BAZ1A: variants seen among roughly 807,000 people sequenced by gnomAD.
The protein encoded by BAZ1A is bromodomain adjacent to zinc finger domain protein 1A.
In BAZ1A, 50 loss-of-function variants were observed where a neutral mutation model predicts 185.2. The ratio of observed to expected loss-of-function variants is 0.27; its 90% CI spans 0.22 to 0.34. The LOEUF is 0.34. Among genes scored for constraint, BAZ1A ranks in the 10% least tolerant of loss-of-function variants. The pLI is 1.00. For synonymous variants in BAZ1A, 571 were observed against 615.6 expected (o/e 0.93, Z 1.07); for missense variants, 1,356 against 1,839.9 (o/e 0.74, Z 4.81).
intron 3 of BAZ1A, among the ~76,000 whole-genome samples, chr14:34,852,131 A>G (rs74958570): frequency 4.9e-5 from 7 of 142,848 alleles, no homozygotes; most frequent in Non-Finnish European, 9.3e-5. Flanking sequence ...CGTCTCAAAG[A>G]AAAAAAAAAA....
intron 4 of BAZ1A, among the ~76,000 whole-genome samples, chr14:34,820,474 T>C (rs2042073339): frequency 1.3e-5 from 2 of 152,194 alleles, no homozygotes; most frequent in Admixed American, 1.3e-4. Flanking sequence ...TTTGTATATT[T>C]TGGATAACAA....
chr14:34,798,003 C>T (rs1881296863), intron 9 of BAZ1A, among the ~76,000 whole-genome samples: 1 of 152,258 alleles, frequency 6.6e-6, no homozygotes, highest in Non-Finnish European at 1.5e-5. Context: ...TAACAAACAG[C>T]ACACCAGCAG....
intron 19 of BAZ1A, 142 bp downstream of exon 19, chr14:34,774,185 C>T: frequency 1.6e-6 from 1 of 612,626 alleles, no homozygotes; most frequent in Non-Finnish European, 2.6e-6. Context: ...GGGGAATAAA[C>T]TTAAGTTTTC....
chr14:34,849,015 G>A (rs184512735), intron 3 of BAZ1A, among the ~76,000 whole-genome samples: 58 of 152,210 alleles, frequency 3.8e-4, no homozygotes, highest in African/African-American at 1.3e-3. Context: ...AACAGCACAC[G>A]TGGCTAGGTG....
chr14:34,862,027 A>C lies in BAZ1A; in HGVS notation c.392+17T>G. ...TGAATATAAACTTACCAAGAGGAAAAATTAAAAGTACTTTACCTTGCACCA... is the reference window on the plus strand; with the variant it reads ...TGAATATAAACTTACCAAGAGGAAACATTAAAAGTACTTTACCTTGCACCA... On this transcript the variant is annotated intron_variant, in intron 3 of 26. Coordinates refer to ENST00000360310, the MANE Select transcript of BAZ1A (RefSeq NM_013448.3). The C allele has an allele frequency of 6.2e-7, 1 of 1,605,808 alleles. No homozygotes were observed. The highest frequency in any genetic ancestry group is 8.5e-7 in the Non-Finnish European group (1 of 1,175,436).
At chr14:34,852,753 G>A (rs1183568971) in intron 3 of BAZ1A, among the ~76,000 whole-genome samples, 5 of 152,126 alleles carry the variant, frequency 3.3e-5, no homozygotes, top group African/African-American at 4.8e-5. Flanking sequence ...ATCCTGAGAA[G>A]CAACCCTATA....
In BAZ1A at chr14:34,874,658, C is replaced by A; in HGVS notation, c.-54G>T. ...CCCTCGGCCGCCCGCGCCGGCCCCG[C>A]TTCCCTATCAAAATTGGAGGGAAAG... On this transcript the variant is annotated 5_prime_UTR_variant, in exon 2 of 27. Transcript: ENST00000360310. This position sits in a 1 kb window ranked among gnomAD's most constrained non-coding sequence, Gnocchi z 4.7. The A allele has an allele frequency of 6.8e-7, 1 of 1,475,470 alleles. No individual in the cohort carries two copies. The highest frequency in any genetic ancestry group is 9.3e-7 in the Non-Finnish European group (1 of 1,078,504). 91.4% of individuals were successfully genotyped at this position (1,475,470 alleles called of 1,614,324 possible).
At chr14:34,851,114 C>A (rs2042589429) in intron 3 of BAZ1A, among the ~76,000 whole-genome samples, 1 of 152,004 alleles carries the variant, frequency 6.6e-6, no homozygotes, top group Non-Finnish European at 1.5e-5. Context: ...TGGTAGATCA[C>A]TTGAGGCCAG....
chr14:34,753,827 A>C (rs762599988), intron 26 of BAZ1A, 123 bp from the exon 27 acceptor site: 3 of 836,740 alleles, frequency 3.6e-6, no homozygotes, highest in Non-Finnish European at 5.2e-6. Flanking sequence ...CTTTAGAAAG[A>C]GAAGACTCTG....
At chr14:34,805,085 C>T (rs531308251) in intron 6 of BAZ1A, among the ~76,000 whole-genome samples, 1 of 152,168 alleles carries the variant, frequency 6.6e-6, no homozygotes. Flanking sequence ...TCCCACTTCA[C>T]GCTGTCTCCT....
intron 2 of BAZ1A, among the ~76,000 whole-genome samples, chr14:34,863,016 T>C (rs1381076006): frequency 1.4e-5 from 2 of 145,038 alleles, no homozygotes; most frequent in East Asian, 2.0e-4. Context: ...TGAGACGGAG[T>C]CTCACTCTGT....
intron 3 of BAZ1A, among the ~76,000 whole-genome samples, 176 bp from the exon 4 acceptor site, chr14:34,826,332 A>C (rs2042165040): frequency 6.6e-6 from 1 of 152,250 alleles, no homozygotes; most frequent in Non-Finnish European, 1.5e-5. Context: ...TATTAGATAT[A>C]ATTTAAAGCT....
At chr14:34,834,238 GGACCCTAT>G (rs1335068656) in intron 3 of BAZ1A, among the ~76,000 whole-genome samples, 1 of 152,140 alleles carries the variant, frequency 6.6e-6, no homozygotes, top group Non-Finnish European at 1.5e-5. Context: ...AGCTTTTCAG[GGACCCTAT>G]GACAAGGTTG....
chr14:34,871,185 AAAAT>A (rs1366905582), intron 2 of BAZ1A, among the ~76,000 whole-genome samples: 1 of 152,250 alleles, frequency 6.6e-6, no homozygotes, highest in African/African-American at 2.4e-5. Context: ...ATCCACAGCA[AAAAT>A]AAACAAAATT....
At chr14:34,756,115 CTTT>C (rs548364033) in intron 25 of BAZ1A, among the ~76,000 whole-genome samples, 9 of 127,372 alleles carry the variant, frequency 7.1e-5, no homozygotes, top group Admixed American at 1.6e-4. Context: ...TGGTTTTTTT[CTTT>C]TTTTTTTTTT....
chr14:34,865,615 C>A (rs2042845191), intron 2 of BAZ1A, among the ~76,000 whole-genome samples: 1 of 152,064 alleles, frequency 6.6e-6, no homozygotes, highest in African/African-American at 2.4e-5. Context: ...GCAAGAGAAA[C>A]TAATCATACC....
chr14:34,840,393 A>G (rs2042394300), intron 3 of BAZ1A, among the ~76,000 whole-genome samples: 1 of 152,186 alleles, frequency 6.6e-6, no homozygotes. Context: ...TGATTTATGT[A>G]CATCAAAATA....
At chr14:34,791,698 T>G (rs1254051264) in intron 12 of BAZ1A, among the ~76,000 whole-genome samples, 1 of 152,230 alleles carries the variant, frequency 6.6e-6, no homozygotes, top group East Asian at 1.9e-4. Flanking sequence ...CTAACAGTTC[T>G]GTTTTACTGT....
chr14:34,767,008 A>G (rs1878890874), intron 21 of BAZ1A, among the ~76,000 whole-genome samples: 2 of 152,238 alleles, frequency 1.3e-5, no homozygotes, highest in South Asian at 4.1e-4. Context: ...ATTGAGATTA[A>G]AAACAGAGGC....
Sources: gnomAD v4.1 joint callset for allele counts (sites outside exome capture counted in the v4.1 genomes callset) on GRCh38, gnomAD v4.1.1 for gene constraint, Gnocchi (gnomAD v3.1) non-coding constraint, MANE v1.5 for transcripts, NCBI Gene and HGNC (gene_info 2026-07-23, HGNC 2026-07-21) for gene names.